The following PCDH15 variants were observed in gnomAD, a reference collection of about 807,000 sequenced individuals.
PCDH15 encodes the protein protocadherin related 15.
In PCDH15, 129 loss-of-function variants were observed where a neutral mutation model predicts 178.5. The observed-to-expected ratio is 0.72, with a 90% CI of 0.63 to 0.84. PCDH15 has a LOEUF of 0.84. Ranked by LOEUF, PCDH15 falls within the 40% of genes least tolerant of loss-of-function variation. The pLI is 0.00. For synonymous variants in PCDH15, 800 were observed against 732.0 expected (o/e 1.09, Z -1.50); for missense variants, 2,230 against 2,099.9 (o/e 1.06, Z -1.21).
rs560040041 is a variant in PCDH15, at chr10:55,594,373, C to T, written c.-156+33252G>A. On this transcript the variant is annotated intron_variant, in intron 2 of 5. Coordinates refer to the PCDH15 transcript ENST00000613346. ...TCAAAATTTTTTTGAGGTTAAACTT[C>T]AAGAAGATGAAAGGAAAACTAAAAT... Among the ~76,000 whole-genome samples the T allele has an allele frequency of 1.2e-3, 186 of 151,572 alleles. 1 individual carries two copies. The highest frequency in any genetic ancestry group is 3.6e-3 in the Admixed American group (55 of 15,192).
At chr10:55,389,556 C>T (rs988037017) in intron 2 of PCDH15, among the ~76,000 whole-genome samples, 1 of 152,042 alleles carries the variant, frequency 6.6e-6, no homozygotes, top group Non-Finnish European at 1.5e-5. Flanking sequence ...GAGTTGTTAA[C>T]AGAAATTCTA....
At chr10:54,636,168 A>G (rs1422429928) in intron 2 of PCDH15, among the ~76,000 whole-genome samples, 1 of 151,964 alleles carries the variant, frequency 6.6e-6, no homozygotes, top group Non-Finnish European at 1.5e-5. Flanking sequence ...TTAAAGGTAA[A>G]ACATTAGACT....
intron 6 of PCDH15, among the ~76,000 whole-genome samples, chr10:54,345,726 A>C (rs1943129364): frequency 6.6e-6 from 1 of 150,710 alleles, no homozygotes; most frequent in Non-Finnish European, 1.5e-5. Context: ...CTAAATATAC[A>C]AAAAAATTGA....
In PCDH15 at chr10:54,424,979, G is replaced by A. The variant is rs183601385; in HGVS notation, c.158-46037C>T. Among the ~76,000 whole-genome samples, 273 of 149,228 alleles carry A rather than the reference G, an allele frequency of 1.8e-3. 1 individual carries two copies. Among genetic ancestry groups the A allele is most frequent in the Non-Finnish European group, 3.5e-3 (234 of 67,598 alleles). ...TATATGTAACAAACCGGCACGTTGTGCACATGTACCCTAGAACTTAAAGTA... is the reference window on the plus strand; with the variant it reads ...TATATGTAACAAACCGGCACGTTGTACACATGTACCCTAGAACTTAAAGTA... On this transcript the variant is annotated intron_variant, in intron 3 of 37. Transcript: ENST00000644397.
At chr10:54,216,141 A>G (rs1446068285) in intron 9 of PCDH15, among the ~76,000 whole-genome samples, 2 of 151,502 alleles carry the variant, frequency 1.3e-5, no homozygotes. Flanking sequence ...AGCTAAAAAT[A>G]GGGCCAGTGA....
intron 8 of PCDH15, among the ~76,000 whole-genome samples, chr10:54,312,319 C>G (rs891201744): frequency 2.0e-5 from 3 of 152,002 alleles, no homozygotes; most frequent in African/African-American, 4.8e-5. Context: ...TAACAATATA[C>G]ATAACAATGT....
chr10:54,655,239 A>AGG (rs199766366), intron 2 of PCDH15, among the ~76,000 whole-genome samples: 1,910 of 105,416 alleles, frequency 0.018, 49 homozygotes, highest in African/African-American at 0.073. Context: ...GGAGGAAGGG[A>AGG]AAGAAAGAAA....
rs566380584 is a variant in PCDH15 at position 54,431,251 on chromosome 10, A to T, written c.158-52309T>A. Among the ~76,000 whole-genome samples, 12 of 152,274 alleles carry T rather than the reference A, an allele frequency of 7.9e-5. No homozygotes were observed. The South Asian group carries it at 2.5e-3, about 32-fold the overall frequency. The stretch of plus-strand genomic sequence containing the variant: ...AACAAGACAGAATACTTCAAAACTC[A>T]TTCTATGAGGCCAGTATTATCCTGA... On this transcript the variant is annotated intron_variant, in intron 3 of 37. Transcript: ENST00000644397.
At chr10:54,793,819 G>T (rs1422069347) in intron 1 of PCDH15, among the ~76,000 whole-genome samples, 3 of 148,744 alleles carry the variant, frequency 2.0e-5, no homozygotes, top group African/African-American at 7.3e-5. Context: ...AGCGTAATAG[G>T]AAGAAAACAA....
At chr10:53,910,066 C>T (rs952879995) in intron 25 of PCDH15, among the ~76,000 whole-genome samples, 3 of 152,204 alleles carry the variant, frequency 2.0e-5, no homozygotes, top group Non-Finnish European at 4.4e-5. Context: ...TAGACTCCAC[C>T]TCTGGGGGCA....
At chr10:54,093,694 G>A (rs1347416293) in intron 15 of PCDH15, among the ~76,000 whole-genome samples, 1 of 152,036 alleles carries the variant, frequency 6.6e-6, no homozygotes, top group Non-Finnish European at 1.5e-5. Flanking sequence ...AATTTTGCAT[G>A]TCTTGTCTCA....
At chr10:55,525,686 T>C (rs1485609308) in intron 2 of PCDH15, among the ~76,000 whole-genome samples, 1 of 151,940 alleles carries the variant, frequency 6.6e-6, no homozygotes, top group Non-Finnish European at 1.5e-5. Flanking sequence ...ATATAAACTT[T>C]GCAATTTGAC....
chr10:54,483,996 G>T (rs1040119185), intron 3 of PCDH15, among the ~76,000 whole-genome samples: 1 of 151,764 alleles, frequency 6.6e-6, no homozygotes, highest in South Asian at 2.1e-4. Flanking sequence ...TTAGGTTATA[G>T]ATGATTTTTC....
intron 15 of PCDH15, among the ~76,000 whole-genome samples, chr10:54,102,453 C>T (rs2094830214): frequency 6.6e-6 from 1 of 152,174 alleles, no homozygotes; most frequent in Admixed American, 6.5e-5. Context: ...CAATTGGAGT[C>T]ACCACTTCAT....
At chr10:54,226,790 T>C (rs564694716) in intron 9 of PCDH15, among the ~76,000 whole-genome samples, 155 of 152,212 alleles carry the variant, frequency 1.0e-3, no homozygotes, top group African/African-American at 3.2e-3. Flanking sequence ...GGGCATTGGA[T>C]AAATACAGCC....
intron 16 of PCDH15, among the ~76,000 whole-genome samples, chr10:54,083,388 A>C (rs1006042177): frequency 1.4e-4 from 21 of 152,344 alleles, no homozygotes; most frequent in Middle Eastern, 3.4e-3. Flanking sequence ...ACGTCTATCA[A>C]TTTATGAATA....
intron 26 of PCDH15, among the ~76,000 whole-genome samples, chr10:53,878,259 A>G (rs1422227794): frequency 1.4e-5 from 2 of 142,368 alleles, no homozygotes; most frequent in South Asian, 2.1e-4. Flanking sequence ...ATATACATAC[A>G]GTAAACTATG....
intron 16 of PCDH15, among the ~76,000 whole-genome samples, chr10:54,079,801 T>A (rs1370830834): frequency 6.6e-6 from 1 of 152,182 alleles, no homozygotes; most frequent in Non-Finnish European, 1.5e-5. Context: ...TGGTTTCCTA[T>A]AACTAATGTA....
intron 2 of PCDH15, among the ~76,000 whole-genome samples, chr10:54,998,455 A>C (rs1444989062): frequency 6.6e-6 from 1 of 152,100 alleles, no homozygotes; most frequent in Non-Finnish European, 1.5e-5. Flanking sequence ...TTCTGTCATT[A>C]AAATACCCTT....
Sources: allele counts gnomAD v4.1 joint callset (sites outside exome capture counted in the v4.1 genomes callset), GRCh38; gene constraint gnomAD v4.1.1; transcripts MANE v1.5; gene names NCBI Gene and HGNC (gene_info 2026-07-23, HGNC 2026-07-21).